The following FLRT2 variants were observed in gnomAD, a reference collection of about 807,000 sequenced individuals.
FLRT2 encodes fibronectin leucine rich transmembrane protein 2.
Under a neutral mutation model 40.0 loss-of-function variants are expected in FLRT2, and 15 were observed. The ratio of observed to expected loss-of-function variants is 0.38; its 90% CI spans 0.25 to 0.58. FLRT2 has a LOEUF of 0.58. FLRT2 is among the 20% of genes least tolerant of loss of function. The pLI, the probability that FLRT2 is intolerant of heterozygous loss-of-function variation, is 0.71. For missense variants in FLRT2, 726 were observed against 840.0 expected, an observed-to-expected ratio of 0.86 and a Z score of 1.68; for synonymous variants, 380 against 336.8, an observed-to-expected ratio of 1.13 and a Z score of -1.41.
At chr14:85,595,446 G>GA (rs140209277) in intron 1 of FLRT2, among the ~76,000 whole-genome samples, 1,379 of 132,338 alleles carry the variant, frequency 0.01, 8 homozygotes, top group Middle Eastern at 0.028. Context: ...AGTAAGATGT[G>GA]AAAAAAAAAA....
Position 85,637,632 on chromosome 14 carries a change from TCAGA to T in FLRT2, c.*14140_*14143del, listed in dbSNP as rs1415630473. 14 of 152,216 alleles carry T rather than the reference TCAGA, an allele frequency of 9.2e-5. No homozygotes were observed. The highest frequency in any genetic ancestry group is 7.9e-4 in the Admixed American group (12 of 15,286). 9.4% of individuals were successfully genotyped at this position (152,216 alleles called of 1,614,324 possible). On this transcript the variant is annotated 3_prime_UTR_variant, in exon 2 of 2. Coordinates refer to ENST00000330753, the MANE Select transcript of FLRT2 (RefSeq NM_013231.6). ...CCCAGTCTGCTCTTCCATGAATATC[TCAGA>T]CAGAGAAGGGTGCCTTCTCATGTGA...
At chr14:85,551,784 A>G (rs1889639027) in intron 1 of FLRT2, 8 of 152,190 alleles carry the variant, frequency 5.3e-5, no homozygotes, top group Admixed American at 5.2e-4. Context: ...CTTGAAGGTG[A>G]GAACCATTTT....
rs1475531721 is a variant in FLRT2, at chr14:85,623,057, C to T, written c.1543C>T (p.His515Tyr). The change falls in exon 2 of 2, where the codon CAT (histidine) becomes TAT (tyrosine). Residue 515 changes from histidine to tyrosine, a missense_variant. Physicochemically the swap from His to Tyr is moderately conservative, Grantham distance 83. Coordinates refer to ENST00000330753, the MANE Select transcript of FLRT2 (RefSeq NM_013231.6). ...EDTICSEATT[H>Y]ASYLNNGSNT... ...CACCATTTGTTCAGAGGCCACCACC[C>T]ATGCCTCCTATCTGAACAACGGCAG... The T allele has an allele frequency of 1.2e-6, 2 of 1,614,194 alleles. No individual in the cohort carries two copies. The highest frequency in any genetic ancestry group is 1.7e-5 in the Admixed American group (1 of 60,036).
At chr14:85,570,194 T>G (rs1462143153) in intron 1 of FLRT2, among the ~76,000 whole-genome samples, 1 of 152,032 alleles carries the variant, frequency 6.6e-6, no homozygotes, top group East Asian at 1.9e-4. Context: ...TTGTCAAGTT[T>G]GCATTGAATA....
rs1044828559 is a variant in FLRT2 at position 85,641,013 on chromosome 14, A to G, written c.*17516A>G. 1 of 152,220 alleles carries G rather than the reference A, an allele frequency of 6.6e-6. No homozygotes were observed. 9.4% of individuals were successfully genotyped at this position (152,220 alleles called of 1,614,324 possible). On this transcript the variant is annotated 3_prime_UTR_variant, in exon 2 of 2. Transcript: ENST00000330753. ...GAGTTAAAATGCATAGAAAGCATGT[A>G]CTACATCTAGTGCATTTCTCCATAA...
intron 1 of FLRT2, among the ~76,000 whole-genome samples, chr14:85,603,339 G>T (rs1013349457): frequency 2.0e-5 from 3 of 151,700 alleles, no homozygotes; most frequent in African/African-American, 7.3e-5. Context: ...CATCGATTAT[G>T]AAGGAGAAAA....
At chr14:85,555,356 A>C (rs1356640718) in intron 1 of FLRT2, among the ~76,000 whole-genome samples, 1 of 152,312 alleles carries the variant, frequency 6.6e-6, no homozygotes, top group East Asian at 1.9e-4. Context: ...TATAAAGAAA[A>C]AGAGGCTTAA....
chr14:85,579,561 C>T (rs1891294206), intron 1 of FLRT2, among the ~76,000 whole-genome samples: 1 of 152,114 alleles, frequency 6.6e-6, no homozygotes, highest in African/African-American at 2.4e-5. Flanking sequence ...TCTCGTTTTC[C>T]AGCCACTTGG....
chr14:85,536,351 A>G (rs540330263), intron 1 of FLRT2, among the ~76,000 whole-genome samples: 1 of 152,260 alleles, frequency 6.6e-6, no homozygotes, highest in African/African-American at 2.4e-5. Flanking sequence ...TGTACTTTAC[A>G]AGGAAGAATT....
intron 1 of FLRT2, among the ~76,000 whole-genome samples, chr14:85,570,671 T>A (rs1269789368): frequency 6.6e-6 from 1 of 151,842 alleles, no homozygotes; most frequent in Non-Finnish European, 1.5e-5. Flanking sequence ...AAGCTCTGCC[T>A]CCTGGGTTCA....
chr14:85,532,147 G>A (rs1888324019), intron 1 of FLRT2, among the ~76,000 whole-genome samples: 1 of 152,236 alleles, frequency 6.6e-6, no homozygotes, highest in African/African-American at 2.4e-5. Flanking sequence ...TCAGCCTGTG[G>A]CGGCCACTGC....
intron 1 of FLRT2, among the ~76,000 whole-genome samples, chr14:85,562,463 C>T (rs1207737084): frequency 6.6e-6 from 1 of 152,132 alleles, no homozygotes; most frequent in Non-Finnish European, 1.5e-5. Flanking sequence ...TTGGGAAACT[C>T]AGTCTCCTCC....
Position 85,589,915 on chromosome 14 carries a change from G to A in FLRT2, c.-376-31224G>A, listed in dbSNP as rs146429967. 5.9e-4 allele frequency among the ~76,000 whole-genome samples: 90 copies of A among 152,028 alleles called. 3 individuals are homozygous for A. Among genetic ancestry groups the A allele is most frequent in the East Asian group, 4.5e-3 (23 of 5,164 alleles). The stretch of plus-strand genomic sequence containing the variant: ...TGGCACTTTTGTCAAAAGTGGATGC[G>A]CTGTAGGTGAGTGGATTCTCTATTC... On this transcript the variant is annotated intron_variant, in intron 1 of 1. Coordinates refer to ENST00000330753, the MANE Select transcript of FLRT2 (RefSeq NM_013231.6).
At chr14:85,558,562 A>G (rs1408661417) in intron 1 of FLRT2, among the ~76,000 whole-genome samples, 3 of 152,198 alleles carry the variant, frequency 2.0e-5, no homozygotes, top group African/African-American at 4.8e-5. Context: ...TGCAGTTTCA[A>G]AGGAGGAGTC....
chr14:85,589,733 A>G (rs78912362), intron 1 of FLRT2, among the ~76,000 whole-genome samples: 3,236 of 152,168 alleles, frequency 0.021, 58 homozygotes, highest in South Asian at 0.08. Flanking sequence ...TGGTAGTTTA[A>G]TTCTTTGAGG....
At chr14:85,543,683 AC>A (rs1348057233) in intron 1 of FLRT2, among the ~76,000 whole-genome samples, 2 of 152,040 alleles carry the variant, frequency 1.3e-5, no homozygotes, top group African/African-American at 4.8e-5. Context: ...CATCCCCTGT[AC>A]CCTCATGCCA....
intron 1 of FLRT2, among the ~76,000 whole-genome samples, chr14:85,618,408 C>T (rs1291519813): frequency 6.6e-6 from 1 of 152,118 alleles, no homozygotes; most frequent in Admixed American, 6.5e-5. Context: ...TCTCACTTTC[C>T]TATCTCTTGT....
chr14:85,570,770 A>G (rs1392892714), intron 1 of FLRT2, among the ~76,000 whole-genome samples: 2 of 151,460 alleles, frequency 1.3e-5, no homozygotes, highest in East Asian at 2.0e-4. Context: ...TTTTTTTAGT[A>G]GAGACGGGGT....
chr14:85,534,750 C>T (rs1416595361), intron 1 of FLRT2, among the ~76,000 whole-genome samples: 2 of 151,824 alleles, frequency 1.3e-5, no homozygotes, highest in Non-Finnish European at 2.9e-5. Flanking sequence ...GGAGAGAAGA[C>T]GGTCACGTTT....
Sources: allele counts gnomAD v4.1 joint callset (sites outside exome capture counted in the v4.1 genomes callset), GRCh38; gene constraint gnomAD v4.1.1; transcripts MANE v1.5; gene names NCBI Gene and HGNC (gene_info 2026-07-23, HGNC 2026-07-21).